The following PGR variants were observed in gnomAD, a reference collection of about 807,000 sequenced individuals.
PGR encodes nuclear receptor subfamily 3 group C member 3.
PGR carries 25 observed loss-of-function variants against 76.1 expected under a neutral mutation model. The observed-to-expected ratio is 0.33, with a 90% CI of 0.24 to 0.46. The LOEUF is 0.46. Among genes scored for constraint, PGR ranks in the 20% least tolerant of loss-of-function variants. The pLI is 1.00. For synonymous variants in PGR, 579 were observed against 535.0 expected, an observed-to-expected ratio of 1.08 and a Z score of -1.14; for missense variants, 1,172 against 1,225.3, an observed-to-expected ratio of 0.96 and a Z score of 0.65.
chr11:101,111,825 G>A (rs756136391), intron 2 of PGR, among the ~76,000 whole-genome samples: 1 of 152,116 alleles, frequency 6.6e-6, no homozygotes. Context: ...GATTTTGGGT[G>A]GTTTATCCAC....
At chr11:101,066,418 T>C (rs1860718276) in intron 3 of PGR, among the ~76,000 whole-genome samples, 2 of 152,206 alleles carry the variant, frequency 1.3e-5, no homozygotes, top group Admixed American at 1.3e-4. Flanking sequence ...TCTCAACTTC[T>C]AAATCTTTGA....
intron 6 of PGR, among the ~76,000 whole-genome samples, chr11:101,042,609 T>A (rs1220592145): frequency 6.6e-6 from 1 of 152,182 alleles, no homozygotes; most frequent in African/African-American, 2.4e-5. Flanking sequence ...ATTGCTTCAT[T>A]AAGTTTTCTA....
chr11:101,064,275 G>T (rs1247840168), intron 3 of PGR, among the ~76,000 whole-genome samples: 1 of 133,598 alleles, frequency 7.5e-6, no homozygotes, highest in African/African-American at 2.9e-5. Flanking sequence ...AGGTTGCAGT[G>T]AGTCAAGATC....
chr11:101,055,575 T>C (rs1860262345), intron 4 of PGR, among the ~76,000 whole-genome samples: 6 of 152,126 alleles, frequency 3.9e-5, no homozygotes, highest in Admixed American at 3.3e-4. Context: ...CTAAAAAAAG[T>C]ATTTTATAAT....
rs769876681 is a variant in PGR, at chr11:101,034,512, C to G, written c.*4604G>C. On this transcript the variant is annotated 3_prime_UTR_variant, in exon 8 of 8. Coordinates refer to ENST00000325455, the MANE Select transcript of PGR (RefSeq NM_000926.4). Reference sequence around the variant, plus strand: ...TGTGTTTAACTTACTACCAACACCCCCAAATTCTTAAATTTTCTCCAGTGA... The same window carrying G: ...TGTGTTTAACTTACTACCAACACCCGCAAATTCTTAAATTTTCTCCAGTGA... The G allele has an allele frequency of 2.8e-5, 5 of 178,100 alleles. No individual in the cohort carries two copies. The highest frequency in any genetic ancestry group is 6.0e-5 in the Non-Finnish European group (5 of 83,108). 11.0% of individuals were successfully genotyped at this position (178,100 alleles called of 1,614,324 possible).
chr11:101,109,332 A>G (rs1478946480), intron 2 of PGR, among the ~76,000 whole-genome samples: 1 of 152,236 alleles, frequency 6.6e-6, no homozygotes, highest in Non-Finnish European at 1.5e-5. Context: ...GGCCTCTTGC[A>G]CCAGTTAGCC....
intron 2 of PGR, among the ~76,000 whole-genome samples, chr11:101,104,158 A>G (rs1386611600): frequency 6.6e-6 from 1 of 152,216 alleles, no homozygotes; most frequent in Non-Finnish European, 1.5e-5. Flanking sequence ...CGTAAAAAAG[A>G]TACATAAGGA....
At chr11:101,075,072 T>A (rs1188969285) in intron 3 of PGR, among the ~76,000 whole-genome samples, 1 of 152,142 alleles carries the variant, frequency 6.6e-6, no homozygotes, top group Non-Finnish European at 1.5e-5. Context: ...GACTTCAAAC[T>A]ATACTACAAG....
intron 2 of PGR, among the ~76,000 whole-genome samples, chr11:101,113,421 C>CTGGCTATT (rs1862403500): frequency 1.9e-5 from 2 of 107,280 alleles, no homozygotes; most frequent in Admixed American, 2.3e-4. Flanking sequence ...ACCACCATGC[C>CTGGCTATT]TGGCTATTTT....
rs760048729 is a variant in PGR, at chr11:101,037,252, C to G, written c.*1864G>C. The stretch of plus-strand genomic sequence containing the variant: ...AGTAAAATTATATGTAAATGTTTTG[C>G]ACCTACCTAGTATACGTTGAGTGTA... On this transcript the variant is annotated 3_prime_UTR_variant, in exon 8 of 8. Coordinates refer to ENST00000325455, the MANE Select transcript of PGR (RefSeq NM_000926.4). 5.2e-4 allele frequency: 111 copies of G among 213,276 alleles called. No individual in the cohort carries two copies. The highest frequency in any genetic ancestry group is 8.7e-4 in the Non-Finnish European group (92 of 105,462). 13.2% of individuals were successfully genotyped at this position (213,276 alleles called of 1,614,324 possible).
intron 5 of PGR, among the ~76,000 whole-genome samples, chr11:101,050,632 T>A (rs1186748757): frequency 6.6e-6 from 1 of 152,124 alleles, no homozygotes; most frequent in Non-Finnish European, 1.5e-5. Context: ...AATTAAGGCA[T>A]TTTCCCAACC....
At chr11:101,054,713 T>C (rs1860228516) in intron 4 of PGR, among the ~76,000 whole-genome samples, 1 of 152,208 alleles carries the variant, frequency 6.6e-6, no homozygotes, top group African/African-American at 2.4e-5. Context: ...ACATCACTTA[T>C]TATCATTGAA....
At chr11:101,056,140 G>A (rs1860281419) in intron 4 of PGR, among the ~76,000 whole-genome samples, 1 of 151,912 alleles carries the variant, frequency 6.6e-6, no homozygotes, top group Non-Finnish European at 1.5e-5. Context: ...TGATGATAAT[G>A]ATCAGGTAAA....
intron 7 of PGR, among the ~76,000 whole-genome samples, chr11:101,040,882 C>T (rs974406906): frequency 2.6e-5 from 4 of 152,006 alleles, no homozygotes; most frequent in African/African-American, 9.7e-5. Context: ...AGGCTAGAAT[C>T]TCCTGAATAC....
At chr11:101,117,470 T>C (rs2135495996) in intron 2 of PGR, among the ~76,000 whole-genome samples, 1 of 152,260 alleles carries the variant, frequency 6.6e-6, no homozygotes, top group Admixed American at 6.5e-5. Flanking sequence ...TTGCCTTATA[T>C]AAGAAATTTG....
chr11:101,105,372 G>A (rs1007568671), intron 2 of PGR, among the ~76,000 whole-genome samples: 3 of 152,098 alleles, frequency 2.0e-5, no homozygotes, highest in African/African-American at 4.8e-5. Flanking sequence ...CAATACATCC[G>A]AAGGGGAATA....
intron 3 of PGR, among the ~76,000 whole-genome samples, chr11:101,079,433 G>T (rs1292539692): frequency 6.7e-6 from 1 of 148,474 alleles, no homozygotes; most frequent in Non-Finnish European, 1.5e-5. Context: ...AAAAAAAAAA[G>T]TAATCCCATT....
At chr11:101,064,509 A>G (rs1591383056) in intron 3 of PGR, among the ~76,000 whole-genome samples, 1 of 152,154 alleles carries the variant, frequency 6.6e-6, no homozygotes, top group South Asian at 2.1e-4. Context: ...TCACAAAGGG[A>G]AGGGAAGGAA....
At chr11:101,049,218 G>T (rs1860001522) in intron 6 of PGR, among the ~76,000 whole-genome samples, 1 of 151,962 alleles carries the variant, frequency 6.6e-6, no homozygotes, top group Non-Finnish European at 1.5e-5. Flanking sequence ...CTCACTGGAA[G>T]GTCTTCAGGG....
Sources: allele counts gnomAD v4.1 joint callset (sites outside exome capture counted in the v4.1 genomes callset), GRCh38; gene constraint gnomAD v4.1.1; transcripts MANE v1.5; gene names NCBI Gene and HGNC (gene_info 2026-07-23, HGNC 2026-07-21).